DIAPH2: variants seen among roughly 807,000 people sequenced by gnomAD.
DIAPH2 encodes the protein protein diaphanous homolog 2.
In DIAPH2, 35 loss-of-function variants were observed where a neutral mutation model predicts 92.7. The observed-to-expected ratio is 0.38, with a 90% CI of 0.29 to 0.50. The LOEUF is 0.50. Ranked by LOEUF, DIAPH2 falls within the 20% of genes least tolerant of loss-of-function variation. The pLI is 0.94. For synonymous variants in DIAPH2, 301 were observed against 280.4 expected (o/e 1.07, Z -0.73); for missense variants, 701 against 819.5 (o/e 0.86, Z 1.77).
At chrX:97,483,674 T>G (rs1191014139) in intron 26 of DIAPH2, among the ~76,000 whole-genome samples, 1 of 112,000 alleles carries the variant, frequency 8.9e-6, no homozygotes, top group East Asian at 2.8e-4. Flanking sequence ...CTTTCTTCAT[T>G]TACGTACCTA....
At chrX:97,167,220 G>A (rs1333148722) in intron 22 of DIAPH2, among the ~76,000 whole-genome samples, 4 of 92,437 alleles carry the variant, frequency 4.3e-5, no homozygotes, top group South Asian at 6.2e-4. Context: ...CCTCTAGGGC[G>A]CTATTCTGAA....
intron 21 of DIAPH2, among the ~76,000 whole-genome samples, chrX:97,117,700 T>C (rs138876742): frequency 1.6e-3 from 183 of 112,151 alleles, no homozygotes; most frequent in Non-Finnish European, 3.1e-3. Flanking sequence ...TTGGCTGTTA[T>C]GGTATTTGGG....
chrX:97,109,868 G>A (rs1254411463), intron 20 of DIAPH2, among the ~76,000 whole-genome samples: 1 of 111,567 alleles, frequency 9.0e-6, no homozygotes, highest in African/African-American at 3.3e-5. Context: ...ATCAAACCTT[G>A]TTGTAGGAGA....
At chrX:97,335,006 A>AAAAAAAAAG (rs1251466092) in intron 23 of DIAPH2, among the ~76,000 whole-genome samples, 2 of 104,143 alleles carry the variant, frequency 1.9e-5, no homozygotes, top group African/African-American at 6.8e-5. Flanking sequence ...AACAAAAAAA[A>AAAAAAAAAG]AAAAAAAAAA....
intron 19 of DIAPH2, among the ~76,000 whole-genome samples, chrX:97,087,442 A>G (rs1010544014): frequency 8.9e-6 from 1 of 111,770 alleles, no homozygotes; most frequent in Non-Finnish European, 1.9e-5. Flanking sequence ...ACTAATTGCT[A>G]CATTGTCTCT....
At chrX:97,506,398 A>G (rs1300205634) in intron 26 of DIAPH2, among the ~76,000 whole-genome samples, 1 of 100,412 alleles carries the variant, frequency 1.0e-5, no homozygotes, top group Non-Finnish European at 2.0e-5. Context: ...TGATCCGCCC[A>G]CCTTGGCCCC....
At chrX:97,123,578 G>A (rs893961665) in intron 21 of DIAPH2, among the ~76,000 whole-genome samples, 17 of 112,089 alleles carry the variant, frequency 1.5e-4, no homozygotes, top group Admixed American at 4.7e-4. Context: ...TAGGCAAATG[G>A]TAATAGTAGA....
In DIAPH2 at chrX:97,300,739, T is replaced by C. The variant is rs368439009; in HGVS notation, c.2845-47377T>C. On this transcript the variant is annotated intron_variant, in intron 23 of 26. Transcript: ENST00000324765. Reference sequence around the variant, plus strand: ...CAAGGTCAGGAGATTGAGACCATCCTGGCTAACACGGTGAAACCCCGTCTC... The same window carrying C: ...CAAGGTCAGGAGATTGAGACCATCCCGGCTAACACGGTGAAACCCCGTCTC... Among the ~76,000 whole-genome samples the C allele has an allele frequency of 1.2e-3, 99 of 85,911 alleles. 1 individual carries two copies. The highest frequency in any genetic ancestry group is 3.7e-3 in the African/African-American group (91 of 24,487). The allele number at this position is 85,911 out of a possible 115,157, so 74.6% of individuals were successfully genotyped here.
chrX:96,714,412 G>C (rs1402105356), intron 1 of DIAPH2, among the ~76,000 whole-genome samples: 2 of 109,813 alleles, frequency 1.8e-5, no homozygotes, highest in African/African-American at 6.6e-5. Flanking sequence ...TTACAGGCAT[G>C]CGCCACCACA....
intron 4 of DIAPH2, among the ~76,000 whole-genome samples, chrX:96,827,801 A>T (rs1382704648): frequency 5.4e-4 from 61 of 112,620 alleles, no homozygotes; most frequent in Non-Finnish European, 9.4e-5. Context: ...CACTTGTGAG[A>T]ACACAGGAGT....
At chrX:97,164,322 G>A (rs927737650) in intron 22 of DIAPH2, among the ~76,000 whole-genome samples, 2 of 111,727 alleles carry the variant, frequency 1.8e-5, no homozygotes, top group Non-Finnish European at 3.8e-5. Context: ...TCATACAACT[G>A]TACTTATCCC....
At chrX:97,282,637 A>G (rs1338241317) in intron 23 of DIAPH2, among the ~76,000 whole-genome samples, 1 of 111,856 alleles carries the variant, frequency 8.9e-6, no homozygotes, top group Non-Finnish European at 1.9e-5. Flanking sequence ...GAATGTATCC[A>G]AATAACAGAC....
intron 26 of DIAPH2, among the ~76,000 whole-genome samples, chrX:97,451,185 G>C (rs1341204328): frequency 8.9e-6 from 1 of 111,752 alleles, no homozygotes; most frequent in Non-Finnish European, 1.9e-5. Flanking sequence ...AATTTGAATA[G>C]AGCTTTAAAG....
At chrX:97,338,567 C>T (rs5921788) in intron 23 of DIAPH2, among the ~76,000 whole-genome samples, 2,618 of 112,035 alleles carry the variant, frequency 0.023, 28 homozygotes, top group Middle Eastern at 0.041. Flanking sequence ...AGGTTGTTAA[C>T]TAAAGCTTGT....
intron 26 of DIAPH2, among the ~76,000 whole-genome samples, chrX:97,568,115 C>CAAAAAAAAAAAAAAA (rs59273565): frequency 3.3e-5 from 1 of 30,087 alleles, no homozygotes; most frequent in Non-Finnish European, 5.0e-5. Context: ...GACTCCATCT[C>CAAAAAAAAAAAAAAA]AAAAAAAAAA....
intron 22 of DIAPH2, among the ~76,000 whole-genome samples, chrX:97,246,494 A>G (rs1470469505): frequency 8.9e-6 from 1 of 111,774 alleles, no homozygotes; most frequent in Non-Finnish European, 1.9e-5. Context: ...AGATTAATAG[A>G]AAAAAAATAG....
chrX:97,237,903 C>T (rs746574850), intron 22 of DIAPH2, among the ~76,000 whole-genome samples: 78 of 112,558 alleles, frequency 6.9e-4, no homozygotes, highest in African/African-American at 2.1e-3. Flanking sequence ...TTTTTCTTGA[C>T]GAGAACAAAC....
At chrX:97,355,114 A>C (rs943725092) in intron 24 of DIAPH2, among the ~76,000 whole-genome samples, 3 of 111,846 alleles carry the variant, frequency 2.7e-5, no homozygotes, top group African/African-American at 9.7e-5. Context: ...TGGCTTATGG[A>C]GATAATTAAT....
At chrX:96,962,496 C>CACATAT (rs1447350119) in intron 16 of DIAPH2, among the ~76,000 whole-genome samples, 3 of 44,763 alleles carry the variant, frequency 6.7e-5, no homozygotes, top group African/African-American at 2.7e-4. Context: ...CACACACACA[C>CACATAT]ATATATATAT....
Sources: allele counts gnomAD v4.1 joint callset (sites outside exome capture counted in the v4.1 genomes callset), GRCh38; gene constraint gnomAD v4.1.1; transcripts MANE v1.5; gene names NCBI Gene and HGNC (gene_info 2026-07-23, HGNC 2026-07-21).